The following TLL2 variants were observed in gnomAD, a reference collection of about 807,000 sequenced individuals.
TLL2 encodes tolloid-like protein 2.
Under a neutral mutation model 123.0 loss-of-function variants are expected in TLL2, and 106 were observed. The observed-to-expected ratio is 0.86, with a 90% confidence interval of 0.74 to 1.01. TLL2 has a LOEUF of 1.01. Among genes scored for constraint, TLL2 ranks in the 50% least tolerant of loss-of-function variants. The pLI is 0.00. For missense variants in TLL2, 1,332 were observed against 1,336.7 expected, an observed-to-expected ratio of 1.00 and a Z score of 0.06; for synonymous variants, 494 against 516.8, an observed-to-expected ratio of 0.96 and a Z score of 0.60.
In TLL2 at chr10:96,513,806, T is replaced by C; in HGVS notation, c.-121A>G. 9.2e-7 allele frequency: 1 copy of C among 1,081,196 alleles called. No homozygotes were observed. The highest frequency in any genetic ancestry group is 1.2e-6 in the Non-Finnish European group (1 of 805,900). 67.0% of individuals were successfully genotyped at this position (1,081,196 alleles called of 1,614,324 possible). ...GGACTCGGTGGTTACACAGGGCTGC[T>C]GGGCATGGCTCAGGCGCGGAGCAAG... On this transcript the variant is annotated 5_prime_UTR_variant, in exon 1 of 21. Coordinates refer to ENST00000357947, the MANE Select transcript of TLL2 (RefSeq NM_012465.4).
chr10:96,396,581 CTTTTT>C (rs1177349566), intron 11 of TLL2, among the ~76,000 whole-genome samples: 4 of 125,388 alleles, frequency 3.2e-5, no homozygotes, highest in Non-Finnish European at 5.0e-5. Flanking sequence ...TTTCCCCTTT[CTTTTT>C]TTTTTTTTTT....
intron 2 of TLL2, among the ~76,000 whole-genome samples, chr10:96,448,004 T>C (rs1352514849): frequency 6.6e-6 from 1 of 152,126 alleles, no homozygotes; most frequent in Non-Finnish European, 1.5e-5. Flanking sequence ...CCTAGGCCTG[T>C]ATGACCCTGG....
rs887625116 is a variant in TLL2 at position 96,475,280 on chromosome 10, GC to G, written c.286+5068del. Among the ~76,000 whole-genome samples, 170 of 152,328 alleles carry G rather than the reference GC, an allele frequency of 1.1e-3. 1 individual carries two copies. The highest frequency in any genetic ancestry group is 4.0e-3 in the African/African-American group (168 of 41,580). ...GCTGTGAATCCTAAAGCTGTCAGTG[GC>G]TTTTTGTGGACACTGCAGTGCACTA... On this transcript the variant is annotated intron_variant, in intron 2 of 20. Transcript: ENST00000357947.
intron 2 of TLL2, among the ~76,000 whole-genome samples, chr10:96,450,292 T>C (rs1343510288): frequency 6.6e-6 from 1 of 152,174 alleles, no homozygotes; most frequent in Non-Finnish European, 1.5e-5. Flanking sequence ...TCAGCTTTTA[T>C]GGAGAGAAGG....
In TLL2 at chr10:96,476,248, T is replaced by TTTTTTGTTGTTG. The variant is rs1285354320; in HGVS notation, c.286+4100_286+4101insCAACAACAAAAA. On this transcript the variant is annotated intron_variant, in intron 2 of 20. Coordinates refer to ENST00000357947, the MANE Select transcript of TLL2 (RefSeq NM_012465.4). Reference sequence around the variant, plus strand: ...TATATATATATATATATATTTTATTTTTGTTGTTGTTGTTGTTGTTGAGAC... The same window carrying TTTTTTGTTGTTG: ...TATATATATATATATATATTTTATTTTTTTTGTTGTTGTTGTTGTTGTTGTTGTTGTTGAGAC... 2.8e-3 allele frequency among the ~76,000 whole-genome samples: 191 copies of TTTTTTGTTGTTG among 69,226 alleles called. 11 individuals carry two copies. The highest frequency in any genetic ancestry group is 0.011 in the African/African-American group (176 of 16,062). 45.4% of individuals were successfully genotyped at this position (69,226 alleles called of 152,430 possible).
At chr10:96,466,434 C>G (rs987480737) in intron 2 of TLL2, among the ~76,000 whole-genome samples, 3 of 152,180 alleles carry the variant, frequency 2.0e-5, no homozygotes, top group African/African-American at 7.2e-5. Flanking sequence ...GCAGCTTTGT[C>G]TGGGCCATCA....
chr10:96,373,484 C>T, intron 19 of TLL2, 112 bp downstream of exon 19: 1 of 1,014,256 alleles, frequency 9.9e-7, no homozygotes, highest in Non-Finnish European at 1.5e-6. Context: ...CACCTTCCTC[C>T]CCTCGCCCTC....
At chr10:96,412,148 A>C (rs1224122837) in intron 8 of TLL2, among the ~76,000 whole-genome samples, 1 of 152,214 alleles carries the variant, frequency 6.6e-6, no homozygotes, top group Non-Finnish European at 1.5e-5. Context: ...CCTGTATTTC[A>C]GCCCTAACAC....
intron 1 of TLL2, among the ~76,000 whole-genome samples, chr10:96,507,982 T>G (rs1188317693): frequency 6.6e-6 from 1 of 152,128 alleles, no homozygotes; most frequent in African/African-American, 2.4e-5. Flanking sequence ...AGAATGGAAA[T>G]AAAGATGTAA....
chr10:96,487,225 A>G (rs1446668300), intron 1 of TLL2, among the ~76,000 whole-genome samples: 1 of 152,152 alleles, frequency 6.6e-6, no homozygotes, highest in African/African-American at 2.4e-5. Flanking sequence ...GAGGTCTGTT[A>G]AGCAGCCAGT....
At chr10:96,422,785 C>T (rs1846638902) in intron 5 of TLL2, 58 bp from the exon 6 acceptor site, 24 of 1,591,550 alleles carry the variant, frequency 1.5e-5, no homozygotes, top group Non-Finnish European at 2.1e-5. Context: ...GAGCAAGAGG[C>T]AAGTCCCCCC....
At chr10:96,376,653 T>G in intron 18 of TLL2, 39 bp downstream of exon 18, 1 of 1,605,408 alleles carries the variant, frequency 6.2e-7, no homozygotes. Context: ...TGCCTGATAC[T>G]CAAGTCCACA....
intron 20 of TLL2, 104 bp downstream of exon 20, chr10:96,369,961 A>C (rs1846062691): frequency 6.9e-7 from 1 of 1,445,068 alleles, no homozygotes; most frequent in Non-Finnish European, 9.1e-7. Context: ...CGTTGCTCCT[A>C]AGTGGAGTAG....
rs553436918 is a variant in TLL2 at position 96,376,776 on chromosome 10, C to T, written c.2364G>A (p.Ala788=). ...HKISSVEGTL[A]SPNWPDKYPS... The stretch of plus-strand genomic sequence containing the variant: ...GGTATTTGTCAGGCCAGTTGGGGCT[C>T]GCCAGGGTCCCCTCCACACTGCTGA... Residue 788 remains alanine (A), a synonymous_variant, in exon 18 of 21, where the codon GCG becomes GCA. Coordinates refer to ENST00000357947, the MANE Select transcript of TLL2 (RefSeq NM_012465.4). 1.6e-5 allele frequency: 26 copies of T among 1,593,190 alleles called. No homozygotes were observed. Among genetic ancestry groups the T allele is most frequent in the Middle Eastern group, 1.7e-4 (1 of 6,016 alleles).
intron 2 of TLL2, among the ~76,000 whole-genome samples, chr10:96,466,615 C>T (rs1401923779): frequency 6.6e-6 from 1 of 152,244 alleles, no homozygotes; most frequent in African/African-American, 2.4e-5. Flanking sequence ...CAGCCCACTG[C>T]TGTCTGTTGT....
At chr10:96,491,927 G>A (rs1847417810) in intron 1 of TLL2, among the ~76,000 whole-genome samples, 1 of 152,162 alleles carries the variant, frequency 6.6e-6, no homozygotes, top group African/African-American at 2.4e-5. Context: ...GTACCTCACA[G>A]TTTCTGAAGT....
At chr10:96,395,461 A>G (rs1243677955) in intron 12 of TLL2, 79 bp from the exon 13 acceptor site, 1 of 1,412,896 alleles carries the variant, frequency 7.1e-7, no homozygotes, top group Non-Finnish European at 9.4e-7. Flanking sequence ...GAACCCAAAT[A>G]TCACTCTCAA....
At chr10:96,376,906 C>T (rs569119481) in intron 17 of TLL2, 87 bp from the exon 18 acceptor site, 11 of 1,371,788 alleles carry the variant, frequency 8.0e-6, no homozygotes, top group African/African-American at 6.0e-5. Flanking sequence ...CTCCTCCCCT[C>T]TCTCCTAATT....
At chr10:96,424,574 G>C (rs1846659877) in intron 5 of TLL2, among the ~76,000 whole-genome samples, 1 of 152,042 alleles carries the variant, frequency 6.6e-6, no homozygotes, top group African/African-American at 2.4e-5. Flanking sequence ...AGGCTGGATA[G>C]TTTTTCACAT....
Sources: allele counts gnomAD v4.1 joint callset (sites outside exome capture counted in the v4.1 genomes callset), GRCh38; gene constraint gnomAD v4.1.1; transcripts MANE v1.5; gene names NCBI Gene and HGNC (gene_info 2026-07-23, HGNC 2026-07-21).